CRPPA: variants seen among roughly 807,000 people sequenced by gnomAD.
CRPPA encodes the protein CDP-L-ribitol pyrophosphorylase A, also known as D-ribitol-5-phosphate cytidylyltransferase.
A neutral mutation model predicts 52.0 loss-of-function variants in CRPPA; 43 were observed. That is an observed-to-expected ratio of 0.83 (90% CI 0.65 to 1.07). CRPPA has a LOEUF of 1.07. Among genes scored for constraint, CRPPA ranks in the 50% least tolerant of loss-of-function variants. The pLI, the probability that CRPPA is intolerant of heterozygous loss-of-function variation, is 0.00. For synonymous variants in CRPPA, 250 were observed against 203.5 expected (o/e 1.23, Z -1.94); for missense variants, 629 against 551.7 (o/e 1.14, Z -1.40).
At chr7:16,382,575 C>G (rs1248191801) in intron 2 of CRPPA, among the ~76,000 whole-genome samples, 1 of 151,932 alleles carries the variant, frequency 6.6e-6, no homozygotes, top group East Asian at 1.9e-4. Flanking sequence ...TGGATAATAT[C>G]CTGCAGAGTG....
At chr7:16,399,514 A>G (rs1272110343) in intron 2 of CRPPA, among the ~76,000 whole-genome samples, 2 of 150,644 alleles carry the variant, frequency 1.3e-5, no homozygotes, top group African/African-American at 4.9e-5. Flanking sequence ...CAACGTGACC[A>G]GAGCATGATT....
At chr7:16,266,017 C>A (rs1783943593) in intron 6 of CRPPA, among the ~76,000 whole-genome samples, 1 of 152,158 alleles carries the variant, frequency 6.6e-6, no homozygotes, top group Admixed American at 6.5e-5. Flanking sequence ...ACAGACATCA[C>A]AACACCCTTA....
intron 9 of CRPPA, among the ~76,000 whole-genome samples, chr7:16,200,285 G>T (rs538771835): frequency 2.0e-5 from 3 of 152,324 alleles, no homozygotes; most frequent in African/African-American, 7.2e-5. Flanking sequence ...TACATACTAA[G>T]TGACTTAGTC....
intron 3 of CRPPA, among the ~76,000 whole-genome samples, chr7:16,353,793 T>A (rs1786221798): frequency 6.6e-6 from 1 of 151,888 alleles, no homozygotes; most frequent in Non-Finnish European, 1.5e-5. Context: ...CAGGTTGCAG[T>A]GAGCTGAGAT....
chr7:16,228,619 T>C (rs1029340336), intron 8 of CRPPA, among the ~76,000 whole-genome samples: 2 of 151,954 alleles, frequency 1.3e-5, no homozygotes, highest in East Asian at 1.9e-4. Flanking sequence ...AGTCCTCCAG[T>C]TCCTCATTTC....
In CRPPA at chr7:16,204,201, C is replaced by T. The variant is rs545193459; in HGVS notation, c.1251+11865G>A. Among the ~76,000 whole-genome samples, 360 of 152,192 alleles carry T rather than the reference C, an allele frequency of 2.4e-3. 1 individual carries two copies. Among genetic ancestry groups the T allele is most frequent in the African/African-American group, 7.8e-3 (323 of 41,534 alleles). On this transcript the variant is annotated intron_variant, in intron 9 of 9. Coordinates refer to ENST00000407010, the MANE Select transcript of CRPPA (RefSeq NM_001101426.4). The stretch of plus-strand genomic sequence containing the variant: ...TGGCATGTTGGACAAAAAATTTTTA[C>T]ACACTTCCATCTACAATGTCATAAG...
intron 9 of CRPPA, among the ~76,000 whole-genome samples, chr7:16,145,890 T>C (rs1198981412): frequency 6.6e-6 from 1 of 152,090 alleles, no homozygotes; most frequent in African/African-American, 2.4e-5. Flanking sequence ...TGAGAAATGG[T>C]AATTAGCTTT....
chr7:16,369,408 A>G lies in CRPPA; in HGVS notation c.684+6684T>C, dbSNP rs561659811. Among the ~76,000 whole-genome samples the G allele has an allele frequency of 2.0e-5, 3 of 152,316 alleles. No homozygotes were observed. The East Asian group carries it at 5.8e-4, about 29-fold the overall frequency. On this transcript the variant is annotated intron_variant, in intron 3 of 9. Transcript: ENST00000407010. ...TTTCTAAGTTATGAGTTGATTTTTA[A>G]CTACTGGGTTTAAGCCAGGCAGGCC...
intron 9 of CRPPA, among the ~76,000 whole-genome samples, chr7:16,190,740 A>G (rs1472958207): frequency 6.6e-6 from 1 of 151,970 alleles, no homozygotes; most frequent in Non-Finnish European, 1.5e-5. Context: ...ACTGCATCCA[A>G]TGCGTAGTCT....
chr7:16,369,633 T>C (rs1304518600), intron 3 of CRPPA, among the ~76,000 whole-genome samples: 1 of 152,178 alleles, frequency 6.6e-6, no homozygotes, highest in African/African-American at 2.4e-5. Context: ...TAGTGATATC[T>C]AATAAGCAAA....
chr7:16,396,022 G>A (rs762276131), intron 2 of CRPPA, among the ~76,000 whole-genome samples: 23 of 152,088 alleles, frequency 1.5e-4, no homozygotes, highest in African/African-American at 4.3e-4. Flanking sequence ...ACCCTTTGTC[G>A]AAATAAACCT....
At chr7:16,103,052 AC>A (rs1248944877) in intron 9 of CRPPA, among the ~76,000 whole-genome samples, 1 of 152,218 alleles carries the variant, frequency 6.6e-6, no homozygotes. Context: ...CTTGGAACCA[AC>A]CCAGATGCCC....
chr7:16,332,989 C>T (rs1421852415), intron 3 of CRPPA, among the ~76,000 whole-genome samples: 1 of 151,898 alleles, frequency 6.6e-6, no homozygotes, highest in Admixed American at 6.6e-5. Flanking sequence ...TAATTTCACA[C>T]ACAACCAAAT....
intron 9 of CRPPA, among the ~76,000 whole-genome samples, chr7:16,159,997 T>C (rs1463168106): frequency 6.6e-6 from 1 of 152,262 alleles, no homozygotes; most frequent in African/African-American, 2.4e-5. Flanking sequence ...TGTCTGTTCA[T>C]ATCCTTTGCC....
chr7:16,398,616 T>A (rs1391411554), intron 2 of CRPPA, among the ~76,000 whole-genome samples: 1 of 151,788 alleles, frequency 6.6e-6, no homozygotes, highest in Admixed American at 6.6e-5. Context: ...GATTGACACA[T>A]CACCAACATG....
In CRPPA at chr7:16,108,157, T is replaced by C. The variant is rs184607696; in HGVS notation, c.1252-16358A>G. Among the ~76,000 whole-genome samples, 439 of 152,040 alleles carry C rather than the reference T, an allele frequency of 2.9e-3. 2 individuals are homozygous for C. The highest frequency in any genetic ancestry group is 1.0e-2 in the African/African-American group (414 of 41,526). The stretch of plus-strand genomic sequence containing the variant: ...TATCAATAATTGCCAAGAACATAAA[T>C]GAATTGAATTCTCTGAGACACAAAG... On this transcript the variant is annotated intron_variant, in intron 9 of 9. Transcript: ENST00000407010.
intron 1 of CRPPA, among the ~76,000 whole-genome samples, chr7:16,411,237 C>T (rs186553210): frequency 7.9e-5 from 12 of 152,146 alleles, no homozygotes; most frequent in African/African-American, 2.9e-4. Context: ...AGGCAGTAAC[C>T]TGCCCATAAT....
chr7:16,272,270 C>CTTA (rs1784107815), intron 6 of CRPPA, among the ~76,000 whole-genome samples: 1 of 152,142 alleles, frequency 6.6e-6, no homozygotes, highest in Admixed American at 6.5e-5. Context: ...CTTTACTTAA[C>CTTA]TTTTTAACAA....
At chr7:16,212,841 A>G (rs1352051656) in intron 9 of CRPPA, among the ~76,000 whole-genome samples, 1 of 152,238 alleles carries the variant, frequency 6.6e-6, no homozygotes, top group Non-Finnish European at 1.5e-5. Context: ...TGTGGAGGGC[A>G]ACAGACACTA....
Sources: allele counts gnomAD v4.1 joint callset (sites outside exome capture counted in the v4.1 genomes callset), GRCh38; gene constraint gnomAD v4.1.1; transcripts MANE v1.5; gene names NCBI Gene and HGNC (gene_info 2026-07-23, HGNC 2026-07-21).